The following ZNF438 variants were observed in gnomAD, a reference collection of about 807,000 sequenced individuals.
The protein encoded by ZNF438 is zinc finger protein 438.
Under a neutral mutation model 38.0 loss-of-function variants are expected in ZNF438, and 25 were observed. The ratio of observed to expected loss-of-function variants is 0.66; its 90% CI spans 0.48 to 0.92. ZNF438 has a LOEUF of 0.92. Among genes scored for constraint, ZNF438 ranks in the 40% least tolerant of loss-of-function variants. ZNF438 has a pLI of 0.00. For missense variants in ZNF438, 1,007 were observed against 999.6 expected, an observed-to-expected ratio of 1.01 and a Z score of -0.10; for synonymous variants, 372 against 364.1, an observed-to-expected ratio of 1.02 and a Z score of -0.25.
At chr10:30,899,133 A>G (rs1049355302) in intron 3 of ZNF438, among the ~76,000 whole-genome samples, 2 of 152,164 alleles carry the variant, frequency 1.3e-5, no homozygotes, top group Non-Finnish European at 2.9e-5. Context: ...AAAACTCTAC[A>G]GGGGCAGGGT....
Position 30,876,985 on chromosome 10 carries a change from C to A in ZNF438, c.37+13G>T. 6.2e-7 allele frequency: 1 copy of A among 1,602,744 alleles called. No individual in the cohort carries two copies. Among genetic ancestry groups the A allele is most frequent in the Non-Finnish European group, 8.5e-7 (1 of 1,174,240 alleles). On this transcript the variant is annotated intron_variant, in intron 4 of 5. Coordinates refer to ENST00000413025, the Ensembl canonical transcript of ZNF438. The stretch of plus-strand genomic sequence containing the variant: ...ACAGACTCATCACCATTTTCCTCAG[C>A]AGTTTAACTTACCTTCATCTTTTGG...
chr10:30,923,590 G>A (rs575697130), intron 2 of ZNF438, among the ~76,000 whole-genome samples: 2 of 152,256 alleles, frequency 1.3e-5, no homozygotes, highest in African/African-American at 4.8e-5. Context: ...TTCCCCCAAT[G>A]ATCTTCAACA....
At chr10:30,954,625 T>C (rs547290974) in intron 1 of ZNF438, among the ~76,000 whole-genome samples, 51 of 152,208 alleles carry the variant, frequency 3.4e-4, no homozygotes, top group African/African-American at 1.1e-3. Context: ...GAAAAGCTCA[T>C]AGGAATATTA....
chr10:31,023,640 T>C (rs1026822616), intron 1 of ZNF438, among the ~76,000 whole-genome samples: 3 of 152,338 alleles, frequency 2.0e-5, no homozygotes, highest in African/African-American at 7.2e-5. Flanking sequence ...AAGGAAAAGA[T>C]TGTTCTTTGG....
At chr10:30,879,402 T>C (rs932347019) in intron 3 of ZNF438, among the ~76,000 whole-genome samples, 6 of 152,162 alleles carry the variant, frequency 3.9e-5, no homozygotes, top group African/African-American at 7.2e-5. Flanking sequence ...AAAATATTTA[T>C]AGAAATACAA....
chr10:30,918,926 C>T (rs966488812), intron 2 of ZNF438: 1 of 152,174 alleles, frequency 6.6e-6, no homozygotes, highest in African/African-American at 2.4e-5. Context: ...CTGACCCACG[C>T]AGTCATGAGC....
At chr10:30,849,236 G>C in exon 5 of ZNF438, 1 of 1,613,988 alleles carries the variant, frequency 6.2e-7, no homozygotes, top group Non-Finnish European at 8.5e-7. Context: ...AATTTCATCT[G>C]GTACCTTCCG....
At chr10:31,027,362 A>G (rs1456307246) in intron 1 of ZNF438, among the ~76,000 whole-genome samples, 1 of 152,154 alleles carries the variant, frequency 6.6e-6, no homozygotes, top group Non-Finnish European at 1.5e-5. Context: ...CTCATAAAAT[A>G]GTTTAAAATT....
chr10:30,883,338 A>ACCTT (rs1006050510), intron 3 of ZNF438, among the ~76,000 whole-genome samples: 1 of 152,048 alleles, frequency 6.6e-6, no homozygotes, highest in African/African-American at 2.4e-5. Flanking sequence ...TTTGGCCCAG[A>ACCTT]CCTTCCTTCC....
At chr10:30,953,465 T>C (rs1387032265) in intron 1 of ZNF438, among the ~76,000 whole-genome samples, 1 of 150,948 alleles carries the variant, frequency 6.6e-6, no homozygotes, top group Non-Finnish European at 1.5e-5. Flanking sequence ...ATGCAGATAC[T>C]AATCATTAAG....
intron 3 of ZNF438, among the ~76,000 whole-genome samples, chr10:30,877,808 T>G (rs1422567196): frequency 6.6e-6 from 1 of 152,170 alleles, no homozygotes; most frequent in East Asian, 1.9e-4. Flanking sequence ...TTATAAGTTC[T>G]TAAACAAAAA....
intron 2 of ZNF438, chr10:30,920,525 CT>C (rs2044171373): frequency 6.6e-6 from 1 of 152,182 alleles, no homozygotes; most frequent in African/African-American, 2.4e-5. Context: ...CTACACCATC[CT>C]TTTCTTCTCC....
intron 5 of ZNF438, among the ~76,000 whole-genome samples, chr10:30,846,707 G>GC (rs1255466287): frequency 1.3e-5 from 2 of 152,156 alleles, no homozygotes; most frequent in Non-Finnish European, 2.9e-5. Flanking sequence ...CTGGGAGCAG[G>GC]CAGGAGCGCT....
intron 2 of ZNF438, chr10:30,920,878 G>A (rs1462629701): frequency 6.6e-6 from 1 of 152,116 alleles, no homozygotes; most frequent in East Asian, 1.9e-4. Context: ...TTCTCAAAAA[G>A]GATTATATGA....
At chr10:30,927,008 T>C (rs1271633944) in intron 2 of ZNF438, among the ~76,000 whole-genome samples, 1 of 152,166 alleles carries the variant, frequency 6.6e-6, no homozygotes, top group Non-Finnish European at 1.5e-5. Context: ...ATATTAGACT[T>C]GGGAATTTTT....
intron 1 of ZNF438, among the ~76,000 whole-genome samples, chr10:31,024,385 G>C (rs999892265): frequency 3.3e-5 from 5 of 152,174 alleles, no homozygotes; most frequent in African/African-American, 1.2e-4. Context: ...CTAGCACTTC[G>C]GGAGGTGAAG....
chr10:30,994,102 C>T (rs1737839088), intron 1 of ZNF438, among the ~76,000 whole-genome samples: 1 of 152,178 alleles, frequency 6.6e-6, no homozygotes. Flanking sequence ...AAGAATCTGC[C>T]TGAAGGCAAA....
rs1415830935 is a variant in ZNF438 at position 30,953,146 on chromosome 10, G to A, written c.-191-11495C>T. Among the ~76,000 whole-genome samples the A allele has an allele frequency of 2.0e-3, 289 of 143,528 alleles. 3 individuals are homozygous for A. The highest frequency in any genetic ancestry group is 0.016 in the Admixed American group (230 of 13,990). The allele number at this position is 143,528 out of a possible 152,430, so 94.2% of individuals were successfully genotyped here. A position where few individuals can be genotyped will look rare whatever the true frequency, so the allele number is the denominator to read the frequency against. On this transcript the variant is annotated intron_variant, in intron 1 of 5. Transcript: ENST00000413025. ...AAATCATCATTCTCAGTAAACTGTC[G>A]CAAGAACAAAAAACCAAACACCGCA...
rs757045649 is a variant in ZNF438 at position 30,907,268 on chromosome 10, C to T, written c.-32+1665G>A. Among the ~76,000 whole-genome samples, 7 of 152,216 alleles carry T rather than the reference C, an allele frequency of 4.6e-5. No homozygotes were observed. The South Asian group carries it at 1.0e-3, about 22-fold the overall frequency. On this transcript the variant is annotated intron_variant, in intron 3 of 5. Coordinates refer to ENST00000413025, the Ensembl canonical transcript of ZNF438. The stretch of plus-strand genomic sequence containing the variant: ...GGGATTACAACTGTGAGCCACCACA[C>T]CTGGCAAGAATTTTTACATCAGAAC...
Sources: allele counts gnomAD v4.1 joint callset (sites outside exome capture counted in the v4.1 genomes callset), GRCh38; gene constraint gnomAD v4.1.1; transcripts MANE v1.5; gene names NCBI Gene and HGNC (gene_info 2026-07-23, HGNC 2026-07-21).